CAPN1: variants seen among roughly 807,000 people sequenced by gnomAD.
CAPN1 encodes the protein calpain 1, also known as calpain-1 catalytic subunit.
Under a neutral mutation model 105.2 loss-of-function variants are expected in CAPN1, and 77 were observed. The ratio of observed to expected loss-of-function variants is 0.73; its 90% CI spans 0.61 to 0.88. The LOEUF (loss-of-function observed/expected upper bound fraction) is 0.88, where lower values mean the gene tolerates loss of function less well. CAPN1 is among the 40% of genes least tolerant of loss of function. The pLI, the probability that CAPN1 is intolerant of heterozygous loss-of-function variation, is 0.00. For synonymous variants in CAPN1, 355 were observed against 388.8 expected, an observed-to-expected ratio of 0.91 and a Z score of 1.02; for missense variants, 833 against 976.6, an observed-to-expected ratio of 0.85 and a Z score of 1.96.
chr11:65,183,782 G>C, intron 4 of CAPN1, 190 bp downstream of exon 4: 1 of 572,354 alleles, frequency 1.7e-6, no homozygotes, highest in South Asian at 2.1e-5. Flanking sequence ...TCGGCTGGCA[G>C]TTTTCCTAGG....
At chr11:65,199,578 C>T (rs1485149303) in intron 10 of CAPN1, among the ~76,000 whole-genome samples, 1 of 152,146 alleles carries the variant, frequency 6.6e-6, no homozygotes, top group Non-Finnish European at 1.5e-5. Flanking sequence ...TCACTCAATC[C>T]TCTCTTTCTC....
chr11:65,204,779 T>C lies in CAPN1; in HGVS notation c.1262T>C (p.Leu421Pro), dbSNP rs1288482998. Residue 421 changes from leucine (L) to proline (P), a missense_variant, in exon 11 of 22, where the codon CTC becomes CCC. Coordinates refer to ENST00000279247, the MANE Select transcript of CAPN1 (RefSeq NM_005186.4). ...GDRESGCSFV[L>P]ALMQKHRRRE... ...CGCGAGTCAGGCTGCAGCTTCGTGC[T>C]CGCCCTTATGCAGAAGCACCGTCGC... 1 of 1,613,100 alleles carries C rather than the reference T, an allele frequency of 6.2e-7. No homozygotes were observed.
chr11:65,182,854 G>T lies in CAPN1; in HGVS notation c.153G>T (p.Gln51His). Reference protein sequence around the residue: ...DYEQLRVRCLQSGTLFRDEAF... With the variant: ...DYEQLRVRCLHSGTLFRDEAF... ...AGCAGCTGCGGGTGCGATGCCTGCA[G>T]AGTGGGACCCTCTTCCGTGATGAGG... Residue 51 changes from glutamine to histidine, a missense_variant, in exon 2 of 22, where the codon CAG becomes CAT. Transcript: ENST00000279247. 6.2e-7 allele frequency: 1 copy of T among 1,601,232 alleles called. No homozygotes were observed.
intron 7 of CAPN1, chr11:65,187,598 G>A (rs921373690): frequency 1.6e-5 from 8 of 498,868 alleles, no homozygotes; most frequent in African/African-American, 9.7e-5. Flanking sequence ...GTTAAAGTGC[G>A]TGCATGGGCC....
rs2271447 is a variant in CAPN1 at position 65,210,280 on chromosome 11, C to A, written c.1943-56C>A. 7.5e-7 allele frequency: 1 copy of A among 1,327,290 alleles called. No individual in the cohort carries two copies. Among genetic ancestry groups the A allele is most frequent in the Non-Finnish European group, 1.1e-6 (1 of 931,486 alleles). The allele number at this position is 1,327,290 out of a possible 1,614,324, so 82.2% of individuals were successfully genotyped here. A position where few individuals can be genotyped will look rare whatever the true frequency, so the allele number is the denominator to read the frequency against. ...CCTCCTGGGGACCCAACCCCTCCCCCATCCTGTTGGGCAGGGGCTGCGCCT... is the reference window on the plus strand; with the variant it reads ...CCTCCTGGGGACCCAACCCCTCCCCAATCCTGTTGGGCAGGGGCTGCGCCT... On this transcript the variant is annotated intron_variant, in intron 19 of 21. Transcript: ENST00000279247. This position sits in a 1 kb window ranked among gnomAD's most constrained non-coding sequence, Gnocchi z 4.3.
chr11:65,182,554 C>T, intron 1 of CAPN1, 147 bp from the exon 2 acceptor site: 1 of 833,058 alleles, frequency 1.2e-6, no homozygotes, highest in Non-Finnish European at 1.8e-6. Flanking sequence ...GGCTGAGAAC[C>T]CTACTTCTGT....
intron 1 of CAPN1, 111 bp from the exon 2 acceptor site, chr11:65,182,590 C>G: frequency 8.1e-7 from 1 of 1,229,476 alleles, no homozygotes; most frequent in Non-Finnish European, 1.1e-6. Flanking sequence ...GCAGGGAAAC[C>G]CTAGGTTTGG....
Position 65,188,777 on chromosome 11 carries a change from C to A in CAPN1, c.1165+31C>A. On this transcript the variant is annotated intron_variant, in intron 10 of 21. Coordinates refer to ENST00000279247, the MANE Select transcript of CAPN1 (RefSeq NM_005186.4). This position sits in a 1 kb window ranked among gnomAD's most constrained non-coding sequence, Gnocchi z 5.5. ...CAGGGGCGGGCTCTGGGTCTTGCTG[C>A]TTCCTGGCTTAGGGGCTCCAGAAGG... 6.5e-7 allele frequency: 1 copy of A among 1,540,742 alleles called. No individual in the cohort carries two copies. Among genetic ancestry groups the A allele is most frequent in the Admixed American group, 2.0e-5 (1 of 50,762 alleles).
intron 10 of CAPN1, among the ~76,000 whole-genome samples, chr11:65,197,362 C>T (rs769989885): frequency 6.6e-6 from 1 of 152,030 alleles, no homozygotes; most frequent in Admixed American, 6.6e-5. Flanking sequence ...TTCTTATAAG[C>T]GCCTAGTGAA....
Position 65,204,753 on chromosome 11 carries a change from C to T in CAPN1, c.1236C>T (p.Asp412=). Residue 412 remains aspartate, a synonymous_variant, in exon 11 of 22, where the codon GAC becomes GAT. Coordinates refer to ENST00000279247, the MANE Select transcript of CAPN1 (RefSeq NM_005186.4). ...CGGATGACCCGGACGACTACGGGGA[C>T]CGCGAGTCAGGCTGCAGCTTCGTGC... ...DETDDPDDYG[D]RESGCSFVLA... The T allele has an allele frequency of 1.9e-6, 3 of 1,613,200 alleles. No individual in the cohort carries two copies. Among genetic ancestry groups the T allele is most frequent in the Non-Finnish European group, 2.5e-6 (3 of 1,179,870 alleles).
At chr11:65,187,142 C>T in intron 6 of CAPN1, 73 bp from the exon 7 acceptor site, 1 of 1,129,314 alleles carries the variant, frequency 8.9e-7, no homozygotes, top group Non-Finnish European at 1.3e-6. Flanking sequence ...GTCCAAGACC[C>T]TGAGTGCTGG....
Position 65,210,638 on chromosome 11 carries a change from T to C in CAPN1, c.2060-176T>C, listed in dbSNP as rs557251698. On this transcript the variant is annotated intron_variant, in intron 20 of 21. Transcript: ENST00000279247. The surrounding 1 kb of genome is among the most constrained non-coding windows in gnomAD (Gnocchi z 4.3). ...CCAGGAGAGTCGGGGAGGGAGGGAG[T>C]TGACAGTGGCTTCTCAGGCAGCAGG... Among the ~76,000 whole-genome samples the C allele has an allele frequency of 2.7e-5, 4 of 150,198 alleles. No homozygotes were observed. Among genetic ancestry groups the C allele is most frequent in the African/African-American group, 7.4e-5 (3 of 40,766 alleles).
In CAPN1 at chr11:65,188,333, A is replaced by G. The variant is rs1024394174; in HGVS notation, c.930-81A>G. The G allele has an allele frequency of 1.2e-5, 15 of 1,293,348 alleles. No homozygotes were observed. Among genetic ancestry groups the G allele is most frequent in the Non-Finnish European group, 1.6e-5 (15 of 919,460 alleles). 80.1% of individuals were successfully genotyped at this position (1,293,348 alleles called of 1,614,324 possible). A position where few individuals can be genotyped will look rare whatever the true frequency, so the allele number is the denominator to read the frequency against. ...CACCTGGGCTGGGCCGGGGGAAGAC[A>G]GGCCAGGGTAGACAGGCCCCAGGGA... On this transcript the variant is annotated intron_variant, in intron 8 of 21. Transcript: ENST00000279247. The surrounding 1 kb of genome is among the most constrained non-coding windows in gnomAD (Gnocchi z 5.5).
rs561123170 is a variant in CAPN1, at chr11:65,198,851, A to G, written c.1166-5832A>G. 8.5e-5 allele frequency among the ~76,000 whole-genome samples: 13 copies of G among 152,064 alleles called. No homozygotes were observed. In the Middle Eastern group the frequency reaches 0.014, roughly 159 times the overall value. On this transcript the variant is annotated intron_variant, in intron 10 of 21. Coordinates refer to ENST00000279247, the MANE Select transcript of CAPN1 (RefSeq NM_005186.4). ...ATTTTTTTTGGGAGGGTTGGGGGGC[A>G]GTTGACGGAGTCGCGCTCTGTCGCC...
At chr11:65,193,127 C>G (rs562721831) in intron 10 of CAPN1, among the ~76,000 whole-genome samples, 2 of 151,304 alleles carry the variant, frequency 1.3e-5, no homozygotes, top group East Asian at 3.9e-4. Context: ...ACTACAGGTG[C>G]CCACCACCAC....
chr11:65,196,327 T>A (rs2137353582), intron 10 of CAPN1, among the ~76,000 whole-genome samples: 1 of 152,092 alleles, frequency 6.6e-6, no homozygotes, highest in East Asian at 1.9e-4. Flanking sequence ...CATTTTCTAG[T>A]TTCTTTTTTT....
upstream of CAPN1, chr11:65,181,838 A>G: frequency 5.7e-6 from 1 of 176,910 alleles, no homozygotes; most frequent in South Asian, 7.3e-5. The surrounding 1 kb of genome is among the most constrained non-coding windows in gnomAD (Gnocchi z 4.6). Flanking sequence ...GCCGAGAGGA[A>G]GCGGGGTAGG....
At chr11:65,181,680 C>A (rs1434151393), upstream of CAPN1, 1 of 331,408 alleles carries the variant, frequency 3.0e-6, no homozygotes, top group Non-Finnish European at 6.1e-6. This position sits in a 1 kb window ranked among gnomAD's most constrained non-coding sequence, Gnocchi z 4.6. Flanking sequence ...CCCCCCCATC[C>A]CCCCCCGCGC....
intron 10 of CAPN1, among the ~76,000 whole-genome samples, chr11:65,200,736 G>A (rs1474593554): frequency 6.6e-6 from 1 of 151,806 alleles, no homozygotes; most frequent in Non-Finnish European, 1.5e-5. Flanking sequence ...AGCCTTCTGG[G>A]CTCAAACTAT....
Sources: allele counts gnomAD v4.1 joint callset (sites outside exome capture counted in the v4.1 genomes callset), GRCh38; gene constraint gnomAD v4.1.1; non-coding constraint Gnocchi (gnomAD v3.1); transcripts MANE v1.5; gene names NCBI Gene and HGNC (gene_info 2026-07-23, HGNC 2026-07-21).